Variants in ARMH4 observed in about 807,000 individuals in gnomAD.
ARMH4 encodes the protein armadillo-like helical domain-containing protein 4.
Under a neutral mutation model 61.9 loss-of-function variants are expected in ARMH4, and 49 were observed. That is an observed-to-expected ratio of 0.79 (90% confidence interval 0.63 to 1.00). ARMH4 has a LOEUF of 1.00. ARMH4 is among the 50% of genes least tolerant of loss of function. The pLI, the probability that ARMH4 is intolerant of heterozygous loss-of-function variation, is 0.00. For synonymous variants in ARMH4, 368 were observed against 341.5 expected (o/e 1.08, Z -0.85); for missense variants, 934 against 930.0 (o/e 1.00, Z -0.06).
intron 5 of ARMH4, among the ~76,000 whole-genome samples, chr14:58,077,947 A>G (rs990882130): frequency 6.6e-6 from 1 of 152,210 alleles, no homozygotes; most frequent in Non-Finnish European, 1.5e-5. Flanking sequence ...CCAATTGTGT[A>G]CTGTGTACCC....
At chr14:58,136,493 C>T (rs562779248) in intron 2 of ARMH4, among the ~76,000 whole-genome samples, 1 of 152,312 alleles carries the variant, frequency 6.6e-6, no homozygotes, top group Non-Finnish European at 1.5e-5. Flanking sequence ...TCTATGAAAA[C>T]TGAACAGCAC....
intron 5 of ARMH4, among the ~76,000 whole-genome samples, chr14:58,031,996 T>C (rs1263658065): frequency 6.6e-6 from 1 of 152,196 alleles, no homozygotes; most frequent in Non-Finnish European, 1.5e-5. Context: ...AGGCCCTATA[T>C]GATTTCAGTT....
At chr14:58,014,028 A>AAAAGAAAG (rs34882144) in intron 5 of ARMH4, among the ~76,000 whole-genome samples, 59 of 150,336 alleles carry the variant, frequency 3.9e-4, no homozygotes, top group East Asian at 6.0e-4. Context: ...CATCTCAAAA[A>AAAAGAAAG]AAAGAAAGAA....
rs553585813 is a variant in ARMH4, at chr14:58,096,601, A to G, written c.2089+123T>C. The stretch of plus-strand genomic sequence containing the variant: ...TTCTTAACCACCCATAAATGTAGAA[A>G]CCACCCATAAACAAAGAAAATCCAT... On this transcript the variant is annotated intron_variant, in intron 5 of 7. Coordinates refer to ENST00000267485, the MANE Select transcript of ARMH4 (RefSeq NM_001001872.4). 29 of 1,102,878 alleles carry G rather than the reference A, an allele frequency of 2.6e-5. No homozygotes were observed. The African/African-American group carries it at 4.3e-4, about 16-fold the overall frequency. The allele number at this position is 1,102,878 out of a possible 1,614,324, so 68.3% of individuals were successfully genotyped here.
intron 5 of ARMH4, among the ~76,000 whole-genome samples, chr14:58,041,356 T>G (rs1883695864): frequency 6.6e-6 from 1 of 151,970 alleles, no homozygotes; most frequent in Non-Finnish European, 1.5e-5. Flanking sequence ...GCTTCCTAAG[T>G]GAAGGAGAAA....
At chr14:58,151,674 C>A (rs533651539) in intron 1 of ARMH4, among the ~76,000 whole-genome samples, 1 of 152,330 alleles carries the variant, frequency 6.6e-6, no homozygotes, top group Admixed American at 6.5e-5. Flanking sequence ...CCGTTGTTTT[C>A]GGGAACTTCT....
At chr14:58,067,356 C>G (rs1386786397) in intron 5 of ARMH4, among the ~76,000 whole-genome samples, 2 of 152,184 alleles carry the variant, frequency 1.3e-5, no homozygotes, top group African/African-American at 4.8e-5. Context: ...AGCTTCCAAT[C>G]TAGTGGGAAG....
At chr14:58,008,538 G>A (rs1882269652) in intron 6 of ARMH4, among the ~76,000 whole-genome samples, 2 of 152,170 alleles carry the variant, frequency 1.3e-5, no homozygotes, top group African/African-American at 4.8e-5. Context: ...ATTCAGAATA[G>A]CTGTCATCAA....
At chr14:58,100,988 T>C (rs1370688930) in intron 4 of ARMH4, 2 of 177,686 alleles carry the variant, frequency 1.1e-5, no homozygotes, top group Middle Eastern at 8.6e-4. Flanking sequence ...GCCAAAGATG[T>C]TGACCAGAAG....
At position 58,002,626 on chromosome 14, in the gene ARMH4, CAAAT is replaced by C. The variant is rs1439848458; in HGVS notation, c.*2106_*2109del. 2 of 152,352 alleles carry C rather than the reference CAAAT, an allele frequency of 1.3e-5. No individual in the cohort carries two copies. The highest frequency in any genetic ancestry group is 3.9e-4 in the East Asian group (2 of 5,186). The allele number at this position is 152,352 out of a possible 1,614,324, so 9.4% of individuals were successfully genotyped here. A position where few individuals can be genotyped will look rare whatever the true frequency, so the allele number is the denominator to read the frequency against. On this transcript the variant is annotated 3_prime_UTR_variant, in exon 8 of 8. Transcript: ENST00000267485. ...TAAGTGGCCTACGACGTATTCTCAACAAATAGTTTGTCAAGAATACAAAGACAGT... is the reference window on the plus strand; with the variant it reads ...TAAGTGGCCTACGACGTATTCTCAACAGTTTGTCAAGAATACAAAGACAGT...
chr14:58,070,963 G>A (rs1178525139), intron 5 of ARMH4, among the ~76,000 whole-genome samples: 1 of 151,920 alleles, frequency 6.6e-6, no homozygotes, highest in Non-Finnish European at 1.5e-5. Flanking sequence ...GAGAACATGT[G>A]ATGTTTGTCT....
At chr14:58,072,720 TA>T (rs78657038) in intron 5 of ARMH4, among the ~76,000 whole-genome samples, 265 of 142,444 alleles carry the variant, frequency 1.9e-3, no homozygotes, top group Middle Eastern at 3.5e-3. Flanking sequence ...AGACTCCATC[TA>T]AAAAAAAAAA....
Position 58,039,321 on chromosome 14 carries a change from A to G in ARMH4, c.2090-27171T>C, listed in dbSNP as rs147009756. 5.3e-3 allele frequency among the ~76,000 whole-genome samples: 807 copies of G among 152,300 alleles called. 11 individuals carry two copies. The highest frequency in any genetic ancestry group is 0.018 in the African/African-American group (753 of 41,550). On this transcript the variant is annotated intron_variant, in intron 5 of 7. Coordinates refer to ENST00000267485, the MANE Select transcript of ARMH4 (RefSeq NM_001001872.4). ...TTTCTCCCTATAAATCTCTGCCACA[A>G]GTAATCCCATCTTGCCTCTGTTTAT...
intron 4 of ARMH4, among the ~76,000 whole-genome samples, chr14:58,103,517 G>GCC (rs146294045): frequency 6.7e-5 from 10 of 149,816 alleles, no homozygotes; most frequent in South Asian, 4.2e-4. Context: ...ACCAACTCCC[G>GCC]CCCCCCCCAA....
intron 4 of ARMH4, among the ~76,000 whole-genome samples, chr14:58,115,612 A>G (rs1400265293): frequency 6.6e-6 from 1 of 152,190 alleles, no homozygotes; most frequent in African/African-American, 2.4e-5. Context: ...CCAAAAAAAC[A>G]TGCACTCATA....
intron 5 of ARMH4, among the ~76,000 whole-genome samples, chr14:58,065,637 T>C (rs1884678670): frequency 6.6e-6 from 1 of 152,270 alleles, no homozygotes; most frequent in South Asian, 2.1e-4. Context: ...GCAATGTGGC[T>C]CCATGTTATC....
chr14:58,030,965 C>T (rs1256939084), intron 5 of ARMH4, among the ~76,000 whole-genome samples: 1 of 152,160 alleles, frequency 6.6e-6, no homozygotes, highest in Non-Finnish European at 1.5e-5. Context: ...TGTGACTCTG[C>T]TTTCAATTTT....
At chr14:58,077,483 T>C (rs937858723) in intron 5 of ARMH4, among the ~76,000 whole-genome samples, 12 of 152,152 alleles carry the variant, frequency 7.9e-5, no homozygotes, top group Admixed American at 7.2e-4. Flanking sequence ...GGTGCACACC[T>C]GCGGTCCCAG....
chr14:58,012,206 G>A, intron 5 of ARMH4, 56 bp from the exon 6 acceptor site: 2 of 1,040,236 alleles, frequency 1.9e-6, no homozygotes, highest in East Asian at 2.7e-5. Flanking sequence ...TATAATTCAT[G>A]GCATTAAGTT....
Sources: allele counts gnomAD v4.1 joint callset (sites outside exome capture counted in the v4.1 genomes callset), GRCh38; gene constraint gnomAD v4.1.1; transcripts MANE v1.5; gene names NCBI Gene and HGNC (gene_info 2026-07-23, HGNC 2026-07-21).